Variants in CPE observed in about 807,000 individuals in gnomAD.
The protein encoded by CPE is carbocypeptidase E.
Under a neutral mutation model 53.5 loss-of-function variants are expected in CPE, and 17 were observed. That is an observed-to-expected ratio of 0.32 (90% CI 0.22 to 0.48). CPE has a LOEUF of 0.48. Among genes scored for constraint, CPE ranks in the 20% least tolerant of loss-of-function variants. The pLI is 0.99. For synonymous variants in CPE, 226 were observed against 228.8 expected (o/e 0.99, Z 0.11); for missense variants, 524 against 614.7 (o/e 0.85, Z 1.56).
intron 1 of CPE, among the ~76,000 whole-genome samples, chr4:165,397,885 A>G (rs1231908697): frequency 6.6e-6 from 1 of 151,582 alleles, no homozygotes; most frequent in African/African-American, 2.4e-5. Context: ...TACCAGAAAA[A>G]AAAAAAAGAA....
At chr4:165,397,814 G>A (rs1937529471) in intron 1 of CPE, among the ~76,000 whole-genome samples, 1 of 151,894 alleles carries the variant, frequency 6.6e-6, no homozygotes, top group Non-Finnish European at 1.5e-5. Flanking sequence ...GCCAACGTGG[G>A]AGGATTGCTT....
chr4:165,463,498 G>C (rs1732043999), intron 1 of CPE, among the ~76,000 whole-genome samples: 1 of 152,100 alleles, frequency 6.6e-6, no homozygotes, highest in African/African-American at 2.4e-5. Context: ...CCCAAGCCTA[G>C]ACAGTAAGAA....
chr4:165,437,199 T>C (rs564391302), intron 1 of CPE, among the ~76,000 whole-genome samples: 7 of 152,184 alleles, frequency 4.6e-5, no homozygotes, highest in Non-Finnish European at 8.8e-5. Context: ...AAACAGTTGC[T>C]GAGGTCAGAG....
rs1244949342 is a variant in CPE at position 165,417,776 on chromosome 4, T to C, written c.307+38248T>C. Among the ~76,000 whole-genome samples the C allele has an allele frequency of 6.3e-5, 8 of 127,286 alleles. No individual in the cohort carries two copies. The East Asian group carries it at 1.9e-3, about 30-fold the overall frequency. The allele number at this position is 127,286 out of a possible 152,430, so 83.5% of individuals were successfully genotyped here. On this transcript the variant is annotated intron_variant, in intron 1 of 8. Transcript: ENST00000402744. The stretch of plus-strand genomic sequence containing the variant: ...TACAACTTTAATATTTTGTCTGTCT[T>C]AAAAAAAAAAAAAAGACATTAAATC...
chr4:165,443,212 G>A (rs1731644827), intron 1 of CPE, among the ~76,000 whole-genome samples: 1 of 152,146 alleles, frequency 6.6e-6, no homozygotes, highest in African/African-American at 2.4e-5. Flanking sequence ...ACAGCATAGG[G>A]CAAATGGCAT....
chr4:165,448,870 A>G (rs1731761242), intron 1 of CPE, among the ~76,000 whole-genome samples: 1 of 152,166 alleles, frequency 6.6e-6, no homozygotes, highest in Non-Finnish European at 1.5e-5. Context: ...GAGGGTAGTG[A>G]TGTTCTTTGG....
intron 1 of CPE, among the ~76,000 whole-genome samples, chr4:165,445,633 T>C (rs1052559388): frequency 6.6e-6 from 1 of 152,186 alleles, no homozygotes; most frequent in African/African-American, 2.4e-5. Flanking sequence ...GATGTACTTA[T>C]TGACAGGACT....
rs1234589468 is a variant in CPE, at chr4:165,495,583, T to G, written c.1238T>G (p.Leu413Trp). 6.2e-7 allele frequency: 1 copy of G among 1,612,792 alleles called. No homozygotes were observed. Among genetic ancestry groups the G allele is most frequent in the African/African-American group, 1.3e-5 (1 of 74,886 alleles). Residue 413 changes from leucine (L) to tryptophan (W), a missense_variant, in exon 8 of 9, where the codon TTG (leucine) becomes TGG (tryptophan). Physicochemically the swap from Leu to Trp is moderately conservative, Grantham distance 61. Transcript: ENST00000402744. Reference sequence around the variant, plus strand: ...GCAAAGGATGGTGATTACTGGAGATTGCTTATACCTGGAAACTATAAACTT... The same window carrying G: ...GCAAAGGATGGTGATTACTGGAGATGGCTTATACCTGGAAACTATAAACTT... ...TSAKDGDYWR[L>W]LIPGNYKLTA... is the part of the protein sequence containing the mutation.
At chr4:165,410,029 C>T (rs372021892) in intron 1 of CPE, among the ~76,000 whole-genome samples, 1 of 151,984 alleles carries the variant, frequency 6.6e-6, no homozygotes, top group South Asian at 2.1e-4. Context: ...GGGTGGATCA[C>T]CTGAGGTCAG....
chr4:165,423,396 T>C (rs1247178834), intron 1 of CPE, among the ~76,000 whole-genome samples: 1 of 152,046 alleles, frequency 6.6e-6, no homozygotes, highest in Non-Finnish European at 1.5e-5. Context: ...TTAAAAAAGT[T>C]TTATGCCTCT....
At chr4:165,391,976 CT>C (rs1411025155) in intron 1 of CPE, among the ~76,000 whole-genome samples, 1 of 151,784 alleles carries the variant, frequency 6.6e-6, no homozygotes, top group African/African-American at 2.4e-5. Flanking sequence ...TTTCTTGTGT[CT>C]TTTTCTTCAT....
intron 1 of CPE, among the ~76,000 whole-genome samples, chr4:165,457,708 A>G (rs1330844975): frequency 1.3e-5 from 2 of 152,182 alleles, no homozygotes; most frequent in Non-Finnish European, 2.9e-5. Flanking sequence ...TATCATGTTG[A>G]TTTGGTTGTT....
At chr4:165,453,577 G>T (rs1731850706) in intron 1 of CPE, among the ~76,000 whole-genome samples, 1 of 151,836 alleles carries the variant, frequency 6.6e-6, no homozygotes, top group African/African-American at 2.4e-5. Context: ...TAGAGACAGG[G>T]TTTTGCCATG....
chr4:165,497,116 T>C (rs1200741197), intron 8 of CPE, among the ~76,000 whole-genome samples: 3 of 152,048 alleles, frequency 2.0e-5, no homozygotes, highest in Non-Finnish European at 4.4e-5. Flanking sequence ...GAGATGTGGT[T>C]TCACCATGTT....
At chr4:165,459,788 C>T (rs935783572) in intron 1 of CPE, among the ~76,000 whole-genome samples, 11 of 150,806 alleles carry the variant, frequency 7.3e-5, no homozygotes, top group Admixed American at 2.6e-4. Context: ...TGGTGGCGTG[C>T]GCCTGTACTC....
chr4:165,390,829 G>A (rs965234605), intron 1 of CPE, among the ~76,000 whole-genome samples: 1 of 152,146 alleles, frequency 6.6e-6, no homozygotes, highest in African/African-American at 2.4e-5. Context: ...TTTTACTCAT[G>A]TGTCTAAATT....
chr4:165,479,784 G>T (rs1384702881), intron 3 of CPE, among the ~76,000 whole-genome samples: 1 of 152,040 alleles, frequency 6.6e-6, no homozygotes, highest in East Asian at 1.9e-4. Flanking sequence ...GAGGTCAGGA[G>T]ATCGAGACCA....
chr4:165,417,831 G>A (rs1731150916), intron 1 of CPE, among the ~76,000 whole-genome samples: 1 of 150,812 alleles, frequency 6.6e-6, no homozygotes, highest in East Asian at 1.9e-4. Context: ...CTTGGAACAT[G>A]GTGGGTACTT....
intron 5 of CPE, among the ~76,000 whole-genome samples, chr4:165,486,725 G>T (rs184499849): frequency 4.3e-4 from 66 of 152,164 alleles, no homozygotes; most frequent in African/African-American, 1.5e-3. Flanking sequence ...ACCCCATTTT[G>T]TCTGCGTTAT....
Sources: allele counts gnomAD v4.1 joint callset (sites outside exome capture counted in the v4.1 genomes callset), GRCh38; gene constraint gnomAD v4.1.1; transcripts MANE v1.5; gene names NCBI Gene and HGNC (gene_info 2026-07-23, HGNC 2026-07-21).